Variants in CTDSPL2 observed in about 807,000 individuals in gnomAD.
CTDSPL2 encodes CTD small phosphatase-like protein 2.
In CTDSPL2, 5 loss-of-function variants were observed where a neutral mutation model predicts 60.0. That is an observed-to-expected ratio of 0.08 (90% CI 0.04 to 0.18). The LOEUF is 0.18. CTDSPL2 is among the 10% of genes least tolerant of loss of function. The pLI, the probability that CTDSPL2 is intolerant of heterozygous loss-of-function variation, is 1.00. For missense variants in CTDSPL2, 370 were observed against 548.8 expected, an observed-to-expected ratio of 0.67 and a Z score of 3.26; for synonymous variants, 186 against 189.3, an observed-to-expected ratio of 0.98 and a Z score of 0.14.
chr15:44,497,578 G>C (rs979139621), intron 7 of CTDSPL2, among the ~76,000 whole-genome samples: 6 of 152,248 alleles, frequency 3.9e-5, no homozygotes, highest in African/African-American at 1.2e-4. Flanking sequence ...CACCTTGTTA[G>C]CCAAGATGGT....
chr15:44,497,091 C>G lies in CTDSPL2; in HGVS notation c.835C>G (p.Pro279Ala). The G allele has an allele frequency of 6.2e-7, 1 of 1,611,730 alleles. No individual in the cohort carries two copies. The highest frequency in any genetic ancestry group is 1.7e-5 in the Admixed American group (1 of 59,930). The change falls in exon 7 of 13, where the codon CCG becomes GCG. Residue 279 changes from proline (P) to alanine (A), a missense_variant. Physicochemically the swap from Pro to Ala is conservative, Grantham distance 27. This residue lies in a region of CTDSPL2 where 16 missense variants were observed against 44.3 expected (regional missense o/e 0.36). Coordinates refer to ENST00000260327, the MANE Select transcript of CTDSPL2 (RefSeq NM_016396.3). ...EEQLNRKPAL[P>A]LKTRSTPEFS... ...ACAACTAAATAGGAAACCTGCTCTTCCGTTGAAAACAAGAAGCACACCGGA... is the reference window on the plus strand; with the variant it reads ...ACAACTAAATAGGAAACCTGCTCTTGCGTTGAAAACAAGAAGCACACCGGA...
intron 12 of CTDSPL2, among the ~76,000 whole-genome samples, chr15:44,522,527 C>G (rs1014450568): frequency 1.3e-5 from 2 of 152,004 alleles, no homozygotes; most frequent in East Asian, 3.9e-4. Flanking sequence ...CCGAGGCAGG[C>G]AGATCACTTG....
intron 8 of CTDSPL2, among the ~76,000 whole-genome samples, chr15:44,506,412 C>CTTTTTTTTTTT (rs764238056): frequency 4.4e-4 from 50 of 112,390 alleles, no homozygotes; most frequent in Admixed American, 1.2e-3. Context: ...CCTACTTTGA[C>CTTTTTTTTTTT]TTTTTTTTTT....
At chr15:44,439,514 C>T (rs547581427) in intron 1 of CTDSPL2, among the ~76,000 whole-genome samples, 9 of 150,516 alleles carry the variant, frequency 6.0e-5, no homozygotes, top group South Asian at 4.2e-4. Context: ...TACCTGAGAC[C>T]GAAAGTCTCT....
chr15:44,453,107 T>G (rs1292707235), intron 1 of CTDSPL2, among the ~76,000 whole-genome samples: 1 of 152,112 alleles, frequency 6.6e-6, no homozygotes, highest in African/African-American at 2.4e-5. Context: ...AAGTTTCACC[T>G]TTTTTTCTTT....
At chr15:44,437,590 A>G (rs777383461) in intron 1 of CTDSPL2, among the ~76,000 whole-genome samples, 4 of 152,208 alleles carry the variant, frequency 2.6e-5, no homozygotes, top group African/African-American at 4.8e-5. Context: ...TTTATGTTTC[A>G]GTGATACGGT....
At chr15:44,463,010 G>A (rs1195423369) in intron 2 of CTDSPL2, among the ~76,000 whole-genome samples, 1 of 151,620 alleles carries the variant, frequency 6.6e-6, no homozygotes, top group Non-Finnish European at 1.5e-5. Context: ...CAGCCACTCA[G>A]GAGGATTTTT....
intron 11 of CTDSPL2, chr15:44,519,673 T>C (rs2081724837): frequency 6.3e-6 from 1 of 159,386 alleles, no homozygotes. Flanking sequence ...TCTTAGACTA[T>C]TTTGTCAATA....
intron 1 of CTDSPL2, among the ~76,000 whole-genome samples, chr15:44,454,465 C>T (rs2080393629): frequency 6.6e-6 from 1 of 152,026 alleles, no homozygotes; most frequent in African/African-American, 2.4e-5. Flanking sequence ...CTTTTGTTGC[C>T]ATTGCTTTTG....
chr15:44,445,915 G>T (rs528391609), intron 1 of CTDSPL2, among the ~76,000 whole-genome samples: 9 of 150,772 alleles, frequency 6.0e-5, no homozygotes, highest in African/African-American at 2.2e-4. Context: ...GGGATTACAG[G>T]CGTGAGCCAC....
intron 1 of CTDSPL2, among the ~76,000 whole-genome samples, chr15:44,445,000 T>C (rs12594746): frequency 0.085 from 12,706 of 150,182 alleles, 1,037 homozygotes; most frequent in East Asian, 0.24. Context: ...GGCGCACACC[T>C]GGCTAATTTT....
intron 8 of CTDSPL2, among the ~76,000 whole-genome samples, chr15:44,504,057 G>C (rs2081419271): frequency 6.6e-6 from 1 of 152,072 alleles, no homozygotes; most frequent in South Asian, 2.1e-4. Flanking sequence ...CACAGAACAA[G>C]AGAAGTAGAA....
intron 10 of CTDSPL2, 46 bp downstream of exon 10, chr15:44,514,890 A>G (rs781187375): frequency 3.7e-6 from 4 of 1,091,902 alleles, no homozygotes; most frequent in East Asian, 4.7e-5. Flanking sequence ...ACACTGATCT[A>G]TGAAATTACT....
intron 10 of CTDSPL2, among the ~76,000 whole-genome samples, chr15:44,516,470 A>T (rs2081656684): frequency 2.0e-5 from 3 of 152,218 alleles, no homozygotes; most frequent in Admixed American, 6.5e-5. Context: ...TAAAGGGTCA[A>T]AATAAGTAAG....
chr15:44,457,672 T>C (rs4415978), intron 1 of CTDSPL2, among the ~76,000 whole-genome samples: 15,098 of 152,042 alleles, frequency 0.099, 1,558 homozygotes, highest in African/African-American at 0.24. Flanking sequence ...AGTGCTATAG[T>C]GTGATCTCTC....
intron 8 of CTDSPL2, chr15:44,501,891 G>T (rs546217109): frequency 2.1e-5 from 9 of 419,864 alleles, no homozygotes; most frequent in African/African-American, 1.9e-4. Context: ...AAATCTTTGG[G>T]TTAGGGTTCC....
intron 3 of CTDSPL2, among the ~76,000 whole-genome samples, 165 bp downstream of exon 3, chr15:44,484,527 G>C (rs1301840004): frequency 6.6e-6 from 1 of 152,178 alleles, no homozygotes; most frequent in Non-Finnish European, 1.5e-5. Flanking sequence ...TTGAGGCCAG[G>C]AATTTGAGAC....
At chr15:44,444,535 G>A (rs1297750258) in intron 1 of CTDSPL2, among the ~76,000 whole-genome samples, 1 of 151,758 alleles carries the variant, frequency 6.6e-6, no homozygotes, top group East Asian at 1.9e-4. Context: ...TGGTAGAGAC[G>A]AAGTTTCACC....
chr15:44,500,791 A>T (rs924470064), intron 8 of CTDSPL2, among the ~76,000 whole-genome samples: 1 of 152,180 alleles, frequency 6.6e-6, no homozygotes, highest in African/African-American at 2.4e-5. Flanking sequence ...ACTTTAACCT[A>T]CTTTGTCTAG....
Sources: gnomAD v4.1 joint callset for allele counts (sites outside exome capture counted in the v4.1 genomes callset) on GRCh38, gnomAD v4.1.1 for gene constraint, gnomAD v4.1.1 regional missense constraint, MANE v1.5 for transcripts, NCBI Gene and HGNC (gene_info 2026-07-23, HGNC 2026-07-21) for gene names.